The following SMG6 variants were observed in gnomAD, a reference collection of about 807,000 sequenced individuals.
The protein encoded by SMG6 is SMG6 nonsense mediated mRNA decay factor, also known as telomerase-binding protein EST1A.
In SMG6, 66 loss-of-function variants were observed where a neutral mutation model predicts 142.2. The observed-to-expected ratio is 0.46, with a 90% CI of 0.38 to 0.57. The LOEUF is 0.57. Among genes scored for constraint, SMG6 ranks in the 20% least tolerant of loss-of-function variants. SMG6 has a pLI of 0.00. For synonymous variants in SMG6, 779 were observed against 702.4 expected (o/e 1.11, Z -1.72); for missense variants, 1,793 against 1,832.0 (o/e 0.98, Z 0.39).
intron 13 of SMG6, chr17:2,127,508 T>C: frequency 1.5e-6 from 1 of 675,938 alleles, no homozygotes; most frequent in Admixed American, 1.8e-5. Flanking sequence ...TTATCAAGCT[T>C]GTATGACTCA....
intron 10 of SMG6, among the ~76,000 whole-genome samples, chr17:2,193,699 A>G (rs185170945): frequency 6.6e-6 from 1 of 152,262 alleles, no homozygotes; most frequent in Non-Finnish European, 1.5e-5. Flanking sequence ...GGAAGAATAC[A>G]TACCTACTCA....
intron 2 of SMG6, among the ~76,000 whole-genome samples, chr17:2,298,524 C>T (rs1381560994): frequency 2.6e-5 from 4 of 151,990 alleles, no homozygotes; most frequent in Admixed American, 1.3e-4. Context: ...TCGAGATCAT[C>T]CTGGCTAACA....
chr17:2,217,393 T>C (rs1047665525), intron 10 of SMG6, among the ~76,000 whole-genome samples: 1 of 151,830 alleles, frequency 6.6e-6, no homozygotes. Flanking sequence ...ATGTATAATA[T>C]ATATTATTTT....
chr17:2,072,825 A>C (rs1244061264), intron 15 of SMG6: 1 of 152,238 alleles, frequency 6.6e-6, no homozygotes, highest in East Asian at 1.9e-4. Flanking sequence ...CTCTCTGGCC[A>C]GAGCAATGTC....
At chr17:2,127,872 C>T (rs2069952950) in intron 13 of SMG6, 2 of 562,470 alleles carry the variant, frequency 3.6e-6, no homozygotes, top group Non-Finnish European at 7.0e-6. Context: ...CCTGCTTCAT[C>T]TTGGTGGCCA....
intron 15 of SMG6, among the ~76,000 whole-genome samples, chr17:2,069,690 C>T (rs2068046891): frequency 6.6e-6 from 1 of 152,206 alleles, no homozygotes; most frequent in Non-Finnish European, 1.5e-5. Flanking sequence ...ATACGAAATT[C>T]TCCTGCAGCA....
chr17:2,303,689 G>A lies in SMG6; in HGVS notation c.32C>T (p.Ser11Phe). 2 of 1,496,832 alleles carry A rather than the reference G, an allele frequency of 1.3e-6. No homozygotes were observed. The highest frequency in any genetic ancestry group is 8.9e-7 in the Non-Finnish European group (1 of 1,129,500). 92.7% of individuals were successfully genotyped at this position (1,496,832 alleles called of 1,614,324 possible). ...CAGGATCCCGCGCAGCTCCGACGCG[G>A]AGATCCGCACACGCTCCAGCCCTTC... MAEGLERVRISASELRGILAT... is the reference protein window; with the variant it reads MAEGLERVRIFASELRGILAT... The change falls in exon 1 of 19, where the codon TCC (serine) becomes TTC (phenylalanine). Residue 11 changes from serine to phenylalanine, a missense_variant. Ser to Phe is a radical substitution (Grantham distance 155). Around this residue, in one of 3 missense-constraint regions of SMG6, gnomAD observed 1,597 missense variants for 1,584.6 expected, o/e 1.01. Transcript: ENST00000263073.
intron 6 of SMG6, among the ~76,000 whole-genome samples, chr17:2,288,309 A>G (rs917185276): frequency 1.4e-5 from 2 of 138,780 alleles, no homozygotes; most frequent in East Asian, 2.2e-4. Flanking sequence ...GCGAGACTCC[A>G]TCACAAAAAA....
intron 13 of SMG6, 82 bp downstream of exon 13, chr17:2,172,574 GCA>G: frequency 7.0e-7 from 1 of 1,419,944 alleles, no homozygotes; most frequent in African/African-American, 1.4e-5. Context: ...TGTTCCATTT[GCA>G]CAGAAAACTT....
intron 15 of SMG6, among the ~76,000 whole-genome samples, chr17:2,069,833 T>C (rs1054511804): frequency 7.9e-5 from 12 of 152,236 alleles, no homozygotes; most frequent in Non-Finnish European, 1.6e-4. Context: ...GGGTCTTTTC[T>C]GTTCTACCTC....
At chr17:2,099,174 C>T (rs976522867) in intron 13 of SMG6, among the ~76,000 whole-genome samples, 5 of 152,198 alleles carry the variant, frequency 3.3e-5, no homozygotes, top group Admixed American at 1.3e-4. Flanking sequence ...GAGGACATCA[C>T]GGAGGTGGTG....
chr17:2,110,104 AAGAC>A (rs1354452884), intron 13 of SMG6, among the ~76,000 whole-genome samples: 3 of 145,058 alleles, frequency 2.1e-5, no homozygotes, highest in Non-Finnish European at 4.5e-5. Flanking sequence ...AAAAAAAAAA[AAGAC>A]AACACAGAAC....
chr17:2,273,712 G>A (rs767625583), intron 8 of SMG6, among the ~76,000 whole-genome samples: 6 of 152,172 alleles, frequency 3.9e-5, no homozygotes, highest in Non-Finnish European at 8.8e-5. Context: ...CACAAGAATC[G>A]CTTGAGCCTG....
chr17:2,128,552 C>A (rs925015166), intron 13 of SMG6, among the ~76,000 whole-genome samples: 1 of 152,098 alleles, frequency 6.6e-6, no homozygotes, highest in African/African-American at 2.4e-5. Context: ...CACTATCCTG[C>A]CAATTTGTTA....
At chr17:2,167,528 T>C (rs923696669) in intron 13 of SMG6, among the ~76,000 whole-genome samples, 1 of 152,224 alleles carries the variant, frequency 6.6e-6, no homozygotes, top group African/African-American at 2.4e-5. Flanking sequence ...GCCAAATCAG[T>C]GCTCTTGAAG....
intron 13 of SMG6, among the ~76,000 whole-genome samples, chr17:2,170,502 T>C (rs988950071): frequency 6.6e-6 from 1 of 152,240 alleles, no homozygotes; most frequent in African/African-American, 2.4e-5. Context: ...AGCCATGTCA[T>C]CCAGTCTCTC....
intron 18 of SMG6, chr17:2,062,391 T>C (rs2067808110): frequency 6.6e-6 from 1 of 152,228 alleles, no homozygotes; most frequent in South Asian, 2.1e-4. Context: ...CACTTGGACA[T>C]ATAACCTTTT....
chr17:2,188,311 G>A, intron 11 of SMG6, 88 bp downstream of exon 11: 1 of 1,046,028 alleles, frequency 9.6e-7, no homozygotes, highest in East Asian at 2.4e-5. Context: ...ACAGGGAGAA[G>A]ACACCGAGAA....
intron 13 of SMG6, among the ~76,000 whole-genome samples, chr17:2,144,607 C>T (rs1012632769): frequency 2.6e-5 from 4 of 151,976 alleles, no homozygotes; most frequent in Admixed American, 1.3e-4. Flanking sequence ...ACTGTATCCA[C>T]GGGAATTCTT....
Sources: allele counts gnomAD v4.1 joint callset (sites outside exome capture counted in the v4.1 genomes callset), GRCh38; gene constraint gnomAD v4.1.1; regional missense constraint gnomAD v4.1.1; transcripts MANE v1.5; gene names NCBI Gene and HGNC (gene_info 2026-07-23, HGNC 2026-07-21).